The following FHL1 variants were observed in gnomAD, a reference collection of about 807,000 sequenced individuals.
The protein encoded by FHL1 is four and a half LIM domains protein 1.
FHL1 carries 1 observed loss-of-function variant against 20.3 expected under a neutral mutation model. The ratio of observed to expected loss-of-function variants is 0.05; its 90% CI spans 0.02 to 0.23. FHL1 has a LOEUF of 0.23. Among genes scored for constraint, FHL1 ranks in the 10% least tolerant of loss-of-function variants. The pLI is 1.00. For synonymous variants in FHL1, 82 were observed against 88.9 expected, an observed-to-expected ratio of 0.92 and a Z score of 0.44; for missense variants, 177 against 234.0, an observed-to-expected ratio of 0.76 and a Z score of 1.59.
intron 2 of FHL1, among the ~76,000 whole-genome samples, chrX:136,171,261 A>G (rs1323790232): frequency 9.0e-6 from 1 of 111,254 alleles, no homozygotes; most frequent in Non-Finnish European, 1.9e-5. Context: ...CTTAAAAAAA[A>G]TGATAGAAAC....
At chrX:136,169,252 C>T (rs977199558), upstream of FHL1, 34 of 119,007 alleles carry the variant, frequency 2.9e-4, no homozygotes, top group African/African-American at 4.3e-4. Flanking sequence ...GGCAGCATGT[C>T]GTAGCGGGCC....
rs766762163 is a variant in FHL1, at chrX:136,207,783, C to A, written c.380-9C>A. 19 of 1,209,633 alleles carry A rather than the reference C, an allele frequency of 1.6e-5. No individual in the cohort carries two copies. Among genetic ancestry groups the A allele is most frequent in the Non-Finnish European group, 2.0e-5 (18 of 894,940 alleles). On this transcript the variant is annotated splice_polypyrimidine_tract_variant and intron_variant, in intron 3 of 5. Coordinates refer to ENST00000370683, the MANE Select transcript of FHL1 (RefSeq NM_001159699.2). Reference sequence around the variant, plus strand: ...GTCAGTGGGGCTATCCAATTGCTTCCCTCTGCAGGAGATCAAAACGTGGAG... The same window carrying A: ...GTCAGTGGGGCTATCCAATTGCTTCACTCTGCAGGAGATCAAAACGTGGAG...
chrX:136,152,179 A>G (rs2072282476), intron 1 of FHL1, among the ~76,000 whole-genome samples: 2 of 112,133 alleles, frequency 1.8e-5, no homozygotes, highest in Non-Finnish European at 1.9e-5. Flanking sequence ...TTCAGGAAGC[A>G]CGCAAATTAA....
chrX:136,193,961 C>A (rs182739701), upstream of FHL1, among the ~76,000 whole-genome samples: 403 of 109,840 alleles, frequency 3.7e-3, 1 homozygote, highest in African/African-American at 0.013. Flanking sequence ...CCAACCCCCC[C>A]CAGCTGCATC....
intron 2 of FHL1, among the ~76,000 whole-genome samples, chrX:136,187,756 G>A (rs1047304415): frequency 1.8e-5 from 2 of 111,948 alleles, no homozygotes; most frequent in Admixed American, 1.9e-4. Flanking sequence ...TGGGGGTGAT[G>A]AAAATGCAGA....
chrX:136,183,112 A>C (rs773229608), intron 2 of FHL1, among the ~76,000 whole-genome samples: 1,411 of 97,890 alleles, frequency 0.014, 26 homozygotes, highest in African/African-American at 0.044. Context: ...AAAAAAACAA[A>C]AAACAAACAA....
At chrX:136,166,662 C>G (rs1386782274), upstream of FHL1, among the ~76,000 whole-genome samples, 1 of 111,783 alleles carries the variant, frequency 8.9e-6, no homozygotes, top group African/African-American at 3.3e-5. Context: ...TAGGAAAAAT[C>G]AATTCCAGAA....
At chrX:136,172,021 C>G (rs138726076) in intron 2 of FHL1, among the ~76,000 whole-genome samples, 1,329 of 110,741 alleles carry the variant, frequency 0.012, 19 homozygotes, top group African/African-American at 0.04. Flanking sequence ...TCCCAAATAC[C>G]TGGGATTACA....
intron 2 of FHL1, among the ~76,000 whole-genome samples, chrX:136,183,227 C>T (rs2073208120): frequency 9.0e-6 from 1 of 111,009 alleles, no homozygotes; most frequent in African/African-American, 3.3e-5. Flanking sequence ...CAGTATAGAG[C>T]GTGAATTAAA....
intron 1 of FHL1, among the ~76,000 whole-genome samples, chrX:136,199,336 G>A (rs934417244): frequency 9.0e-6 from 1 of 110,927 alleles, no homozygotes; most frequent in Non-Finnish European, 1.9e-5. Flanking sequence ...AAAAAGATTT[G>A]TTTTTTTTCT....
intron 2 of FHL1, among the ~76,000 whole-genome samples, chrX:136,173,978 G>A (rs2072939011): frequency 8.9e-6 from 1 of 111,835 alleles, no homozygotes; most frequent in South Asian, 3.8e-4. Flanking sequence ...GATTACAGGC[G>A]TGAGCCCCCG....
Position 136,169,790 on chromosome X carries a change from A to G in FHL1, c.-101+57A>G, listed in dbSNP as rs1281223155. 7 of 331,178 alleles carry G rather than the reference A, an allele frequency of 2.1e-5. No individual in the cohort carries two copies. In the Admixed American group the frequency reaches 2.2e-4, roughly 10 times the overall value. 27.3% of individuals were successfully genotyped at this position (331,178 alleles called of 1,213,427 possible). A position where few individuals can be genotyped will look rare whatever the true frequency, so the allele number is the denominator to read the frequency against. ...ACTCTAAGGGTTGTAAATACAAAGT[A>G]GAATGTGTTACCATGAGCCATTTCA... On this transcript the variant is annotated intron_variant, in intron 1 of 6. Transcript: ENST00000394153.
At chrX:136,186,869 TATATATATATATAG>T (rs1171731538) in intron 2 of FHL1, among the ~76,000 whole-genome samples, 1 of 61,412 alleles carries the variant, frequency 1.6e-5, no homozygotes, top group African/African-American at 7.7e-5. Flanking sequence ...AAAAAAAATA[TATATATATATATAG>T]ATAGATAGAT....
intron 2 of FHL1, among the ~76,000 whole-genome samples, chrX:136,181,771 C>A (rs1034519653): frequency 8.9e-6 from 1 of 112,215 alleles, no homozygotes; most frequent in African/African-American, 3.2e-5. Flanking sequence ...GTTGAAATGA[C>A]TTTGCAGTGG....
intron 1 of FHL1, among the ~76,000 whole-genome samples, chrX:136,164,175 A>G (rs1462997898): frequency 9.4e-6 from 1 of 106,434 alleles, no homozygotes; most frequent in Non-Finnish European, 1.9e-5. Flanking sequence ...CTTTGTTCCA[A>G]TTTGTTCTTT....
chrX:136,162,564 A>G (rs921089922), intron 1 of FHL1, among the ~76,000 whole-genome samples: 5 of 111,512 alleles, frequency 4.5e-5, no homozygotes, highest in Non-Finnish European at 9.4e-5. Flanking sequence ...GGAGGATCAC[A>G]TGGGCCCAGG....
At chrX:136,207,381 A>G (rs1284551539) in intron 3 of FHL1, 191 bp downstream of exon 3, 8 of 452,458 alleles carry the variant, frequency 1.8e-5, no homozygotes, top group Admixed American at 8.2e-5. Context: ...ACACTCGGAG[A>G]CTAAAGAACA....
chrX:136,189,961 GT>G (rs1042745051), intron 2 of FHL1, among the ~76,000 whole-genome samples: 6 of 112,058 alleles, frequency 5.4e-5, no homozygotes, highest in Non-Finnish European at 1.1e-4. Flanking sequence ...TTCAAAAATA[GT>G]TATGGTCCAG....
intron 2 of FHL1, among the ~76,000 whole-genome samples, chrX:136,191,154 G>A (rs905127562): frequency 8.9e-6 from 1 of 111,732 alleles, no homozygotes; most frequent in African/African-American, 3.3e-5. Context: ...AACAGTGCCT[G>A]TCCTGGCACA....
Sources: gnomAD v4.1 joint callset for allele counts (sites outside exome capture counted in the v4.1 genomes callset) on GRCh38, gnomAD v4.1.1 for gene constraint, MANE v1.5 for transcripts, NCBI Gene and HGNC (gene_info 2026-07-23, HGNC 2026-07-21) for gene names.